PCNX1: variants seen among roughly 807,000 people sequenced by gnomAD.
PCNX1 encodes the protein pecanex-like protein 1.
In PCNX1, 78 loss-of-function variants were observed where a neutral mutation model predicts 242.2. The observed-to-expected ratio is 0.32, with a 90% CI of 0.27 to 0.39. PCNX1 has a LOEUF of 0.39. Ranked by LOEUF, PCNX1 falls within the 10% of genes least tolerant of loss-of-function variation. The probability of loss-of-function intolerance (pLI) is 1.00; values close to 1 mark genes in which losing one functional copy is unlikely to be tolerated. For missense variants in PCNX1, 2,581 were observed against 2,856.5 expected (o/e 0.90, Z 2.20); for synonymous variants, 1,024 against 1,032.9 (o/e 0.99, Z 0.17).
chr14:70,938,986 C>T (rs976867932), intron 1 of PCNX1, among the ~76,000 whole-genome samples: 8 of 152,164 alleles, frequency 5.3e-5, no homozygotes, highest in Non-Finnish European at 7.3e-5. Context: ...TCCCCTTTAT[C>T]ATTTTTTATT....
intron 4 of PCNX1, among the ~76,000 whole-genome samples, chr14:70,968,735 C>G (rs1011687511): frequency 1.3e-5 from 2 of 152,098 alleles, no homozygotes; most frequent in Non-Finnish European, 2.9e-5. Context: ...ATTTGCATTC[C>G]TTTTTAAATT....
Position 71,057,710 on chromosome 14 carries a change from G to T in PCNX1, c.4838G>T (p.Gly1613Val). ...GNGLVTFQLR[G>V]LEFRGTYCQQ... ...GGTCTGGTCACTTTTCAGCTGCGGG[G>T]ACTTGAATTCAGAGGTAAGACATTC... is the stretch of plus-strand genomic sequence containing the variant. The change falls in exon 26 of 36, where the codon GGA becomes GTA. Residue 1613 changes from glycine (G) to valine (V), a missense_variant. Gly to Val is a moderately radical substitution (Grantham distance 109, BLOSUM62 -3). Around this residue, in one of 9 missense-constraint regions of PCNX1, gnomAD observed 298 missense variants for 480.1 expected, o/e 0.62. Transcript: ENST00000304743. 6.2e-7 allele frequency: 1 copy of T among 1,612,186 alleles called. No individual in the cohort carries two copies.
intron 1 of PCNX1, 48 bp from the exon 2 acceptor site, chr14:70,946,867 G>A (rs371897503): frequency 2.1e-5 from 25 of 1,201,594 alleles, no homozygotes; most frequent in South Asian, 9.0e-5. Flanking sequence ...AATTGAATAC[G>A]ATATAAAATA....
chr14:71,102,240 A>T lies in PCNX1; in HGVS notation c.5820+20A>T. The T allele has an allele frequency of 1.9e-6, 3 of 1,567,458 alleles. No homozygotes were observed. Among genetic ancestry groups the T allele is most frequent in the Non-Finnish European group, 2.6e-6 (3 of 1,138,282 alleles). On this transcript the variant is annotated intron_variant, in intron 31 of 35. Coordinates refer to ENST00000304743, the MANE Select transcript of PCNX1 (RefSeq NM_014982.3). The stretch of plus-strand genomic sequence containing the variant: ...ATTAAAGTAAGTGTTTGAGGTATTT[A>T]TTTGGTCCAAAACATAGAAGTTGAA...
intron 8 of PCNX1, among the ~76,000 whole-genome samples, chr14:71,002,650 A>G (rs2059538004): frequency 6.6e-6 from 1 of 152,118 alleles, no homozygotes; most frequent in Non-Finnish European, 1.5e-5. Flanking sequence ...CCTGTAGTGT[A>G]ATGCTTTTTG....
In PCNX1 at chr14:71,110,080, C is replaced by G; in HGVS notation, c.*145C>G. On this transcript the variant is annotated 3_prime_UTR_variant, in exon 36 of 36. Coordinates refer to ENST00000304743, the MANE Select transcript of PCNX1 (RefSeq NM_014982.3). Reference sequence around the variant, plus strand: ...AAATAGAATGAGCTTGGTTAAGCACCTCTCCTTTGCCCTTCACCCTGACTC... The same window carrying G: ...AAATAGAATGAGCTTGGTTAAGCACGTCTCCTTTGCCCTTCACCCTGACTC... 1 of 753,632 alleles carries G rather than the reference C, an allele frequency of 1.3e-6. No homozygotes were observed. The highest frequency in any genetic ancestry group is 2.9e-4 in the Middle Eastern group (1 of 3,466). 46.7% of individuals were successfully genotyped at this position (753,632 alleles called of 1,614,324 possible). A position where few individuals can be genotyped will look rare whatever the true frequency, so the allele number is the denominator to read the frequency against.
intron 2 of PCNX1, among the ~76,000 whole-genome samples, chr14:70,950,318 G>A (rs116794317): frequency 1.9e-3 from 284 of 152,194 alleles, no homozygotes; most frequent in African/African-American, 6.7e-3. Context: ...TAGGTACTCA[G>A]CAAATATTTG....
rs56362741 is a variant in PCNX1 at position 70,958,898 on chromosome 14, CTTTTTT to C, written c.363-3307_363-3302del. Among the ~76,000 whole-genome samples, 24 of 66,402 alleles carry C rather than the reference CTTTTTT, an allele frequency of 3.6e-4. No individual in the cohort carries two copies. The East Asian group carries it at 8.6e-3, about 24-fold the overall frequency. The allele number at this position is 66,402 out of a possible 152,430, so 43.6% of individuals were successfully genotyped here. A position where few individuals can be genotyped will look rare whatever the true frequency, so the allele number is the denominator to read the frequency against. On this transcript the variant is annotated intron_variant, in intron 2 of 35. Coordinates refer to ENST00000304743, the MANE Select transcript of PCNX1 (RefSeq NM_014982.3). ...GGTTCACCTGAAGAATTTGGGGTTG[CTTTTTT>C]TTTTTTTTTTTTTTTTTTTTACATA... is the stretch of plus-strand genomic sequence containing the variant.
intron 8 of PCNX1, among the ~76,000 whole-genome samples, chr14:71,004,137 G>A (rs2059588188): frequency 6.6e-6 from 1 of 152,230 alleles, no homozygotes; most frequent in South Asian, 2.1e-4. Flanking sequence ...TCTTATGCCT[G>A]CTTTCATGTT....
chr14:71,053,081 G>A (rs1418834867), intron 24 of PCNX1, among the ~76,000 whole-genome samples: 1 of 152,040 alleles, frequency 6.6e-6, no homozygotes, highest in African/African-American at 2.4e-5. Flanking sequence ...TAAACAGTGG[G>A]CTAGTTTGTA....
chr14:70,960,708 A>T (rs1215454002), intron 2 of PCNX1, among the ~76,000 whole-genome samples: 2 of 152,124 alleles, frequency 1.3e-5, no homozygotes, highest in Non-Finnish European at 2.9e-5. Context: ...TCAATTAGGA[A>T]AAGAGGAAGT....
intron 26 of PCNX1, among the ~76,000 whole-genome samples, chr14:71,065,988 A>C (rs1010421695): frequency 9.2e-5 from 14 of 151,996 alleles, no homozygotes; most frequent in African/African-American, 1.4e-4. Context: ...TGTTTTGTAC[A>C]AGTACCATGC....
intron 5 of PCNX1, among the ~76,000 whole-genome samples, chr14:70,971,129 T>TG (rs2058529471): frequency 4.7e-4 from 4 of 8,538 alleles, no homozygotes; most frequent in East Asian, 6.2e-3. Flanking sequence ...TTTTTTTTTT[T>TG]TTTTTTTTTT....
intron 27 of PCNX1, among the ~76,000 whole-genome samples, chr14:71,074,862 T>A (rs1038399598): frequency 6.6e-6 from 1 of 152,046 alleles, no homozygotes; most frequent in Non-Finnish European, 1.5e-5. Context: ...TGCTAAAGAG[T>A]TTACAGAAAT....
At chr14:71,001,137 ATAT>A (rs1455154799) in intron 8 of PCNX1, among the ~76,000 whole-genome samples, 5 of 135,176 alleles carry the variant, frequency 3.7e-5, no homozygotes, top group Admixed American at 8.1e-5. Flanking sequence ...TATTGATAAA[ATAT>A]TATATCATTA....
At chr14:70,934,513 C>T (rs2056924870) in intron 1 of PCNX1, among the ~76,000 whole-genome samples, 1 of 152,144 alleles carries the variant, frequency 6.6e-6, no homozygotes, top group African/African-American at 2.4e-5. Flanking sequence ...AACTCCTGGG[C>T]TCAATTGATC....
intron 2 of PCNX1, among the ~76,000 whole-genome samples, chr14:70,955,897 CTCT>C (rs927297360): frequency 2.7e-5 from 4 of 150,852 alleles, no homozygotes; most frequent in African/African-American, 9.7e-5. Flanking sequence ...TTCATTTTTT[CTCT>C]TCATCATTTT....
chr14:70,911,347 T>TTCTC (rs1021708857), intron 1 of PCNX1, among the ~76,000 whole-genome samples: 1 of 151,648 alleles, frequency 6.6e-6, no homozygotes, highest in African/African-American at 2.4e-5. Flanking sequence ...TCTTAGGACT[T>TTCTC]TATAGGATTC....
intron 26 of PCNX1, among the ~76,000 whole-genome samples, chr14:71,058,169 TA>T (rs1193424473): frequency 1.3e-5 from 2 of 152,196 alleles, no homozygotes; most frequent in African/African-American, 4.8e-5. Flanking sequence ...GAAATTCACA[TA>T]AAATAAAATT....
Sources: allele counts gnomAD v4.1 joint callset (sites outside exome capture counted in the v4.1 genomes callset), GRCh38; gene constraint gnomAD v4.1.1; regional missense constraint gnomAD v4.1.1; transcripts MANE v1.5; gene names NCBI Gene and HGNC (gene_info 2026-07-23, HGNC 2026-07-21).